The following DNAH8 variants were observed in gnomAD, a reference collection of about 807,000 sequenced individuals.
DNAH8 encodes the protein axonemal beta dynein heavy chain 8.
In DNAH8, 382 loss-of-function variants were observed where a neutral mutation model predicts 562.1. The ratio of observed to expected loss-of-function variants is 0.68; its 90% CI spans 0.63 to 0.74. DNAH8 has a LOEUF of 0.74. Among genes scored for constraint, DNAH8 ranks in the 30% least tolerant of loss-of-function variants. The pLI is 0.00. For synonymous variants in DNAH8, 1,881 were observed against 1,919.4 expected (o/e 0.98, Z 0.52); for missense variants, 5,203 against 5,620.4 (o/e 0.93, Z 2.37).
At chr6:38,831,436 A>G (rs925158222) in intron 30 of DNAH8, among the ~76,000 whole-genome samples, 1 of 151,090 alleles carries the variant, frequency 6.6e-6, no homozygotes, top group Non-Finnish European at 1.5e-5. Flanking sequence ...ATCTCAAAAA[A>G]AAAAAAAAAA....
At chr6:39,003,747 A>G (rs1655137463) in intron 88 of DNAH8, among the ~76,000 whole-genome samples, 1 of 152,188 alleles carries the variant, frequency 6.6e-6, no homozygotes, top group African/African-American at 2.4e-5. Flanking sequence ...ACTAGGATTT[A>G]TTATTACAAA....
At chr6:38,728,683 C>T (rs755996491) in intron 3 of DNAH8, among the ~76,000 whole-genome samples, 7 of 152,164 alleles carry the variant, frequency 4.6e-5, no homozygotes, top group Admixed American at 3.3e-4. Flanking sequence ...GCTAGAGTTA[C>T]GCACATCTTG....
chr6:38,896,828 C>T (rs1779728578), intron 60 of DNAH8, among the ~76,000 whole-genome samples: 1 of 152,060 alleles, frequency 6.6e-6, no homozygotes, highest in African/African-American at 2.4e-5. Flanking sequence ...CTCTGTCACC[C>T]CAGGCTGGAG....
At chr6:38,743,110 C>G (rs1426919219) in intron 8 of DNAH8, among the ~76,000 whole-genome samples, 2 of 147,848 alleles carry the variant, frequency 1.4e-5, no homozygotes, top group Non-Finnish European at 3.0e-5. Flanking sequence ...CTCAACCTTC[C>G]AGGCTTAAGC....
chr6:38,745,722 A>T (rs901445136), intron 8 of DNAH8, among the ~76,000 whole-genome samples: 1 of 152,222 alleles, frequency 6.6e-6, no homozygotes, highest in African/African-American at 2.4e-5. Context: ...CCAATGGAAC[A>T]GTTCCTTAGT....
rs965925028 is a variant in DNAH8, at chr6:38,791,441, C to A, written c.2782-114C>A. ...ACCAAATTATGCTTGGCTCAAGATG[C>A]AAGTTTCTAGACTTAGCCTTCTAAA... On this transcript the variant is annotated intron_variant, in intron 20 of 92. Coordinates refer to ENST00000327475, the MANE Select transcript of DNAH8 (RefSeq NM_001206927.2). The A allele has an allele frequency of 4.7e-6, 6 of 1,265,140 alleles. No individual in the cohort carries two copies. The Admixed American group carries it at 1.2e-4, about 25-fold the overall frequency. The allele number at this position is 1,265,140 out of a possible 1,614,324, so 78.4% of individuals were successfully genotyped here. A position where few individuals can be genotyped will look rare whatever the true frequency, so the allele number is the denominator to read the frequency against.
At chr6:38,958,678 A>G (rs2054067386) in intron 82 of DNAH8, among the ~76,000 whole-genome samples, 2 of 150,644 alleles carry the variant, frequency 1.3e-5, no homozygotes, top group African/African-American at 4.9e-5. Context: ...AAGCCCAGGA[A>G]CTGATGGCTT....
Position 38,775,946 on chromosome 6 carries a change from T to G in DNAH8, c.1957T>G (p.Leu653Val), listed in dbSNP as rs1224082470. Reference sequence around the variant, plus strand: ...AGATTTCATGACAAAAATCAATGGTTTAGAGGTAAGTAATTATACCTACTT... The same window carrying G: ...AGATTTCATGACAAAAATCAATGGTGTAGAGGTAAGTAATTATACCTACTT... Reference protein sequence around the residue: ...FLDFMTKINGLEVQIQAFMNS... With the variant: ...FLDFMTKINGVEVQIQAFMNS... The change falls in exon 13 of 93, where the codon TTA (leucine) becomes GTA (valine). Residue 653 changes from leucine to valine, a missense_variant. Physicochemically the swap from Leu to Val is conservative, Grantham distance 32. Transcript: ENST00000327475. The G allele has an allele frequency of 6.2e-7, 1 of 1,604,254 alleles. No individual in the cohort carries two copies. The highest frequency in any genetic ancestry group is 8.5e-7 in the Non-Finnish European group (1 of 1,171,778).
chr6:38,993,181 A>T (rs528263073), intron 88 of DNAH8, among the ~76,000 whole-genome samples: 6 of 152,244 alleles, frequency 3.9e-5, no homozygotes, highest in Non-Finnish European at 8.8e-5. Context: ...TCCCACCGTA[A>T]AAACTCTGGT....
intron 4 of DNAH8, among the ~76,000 whole-genome samples, chr6:38,732,522 T>G (rs1763730453): frequency 6.6e-6 from 1 of 152,268 alleles, no homozygotes; most frequent in Non-Finnish European, 1.5e-5. Context: ...TAGGTCTGGC[T>G]TATATGAGTG....
At chr6:38,847,795 G>T (rs780178545) in intron 36 of DNAH8, among the ~76,000 whole-genome samples, 4 of 152,210 alleles carry the variant, frequency 2.6e-5, no homozygotes, top group Non-Finnish European at 4.4e-5. Context: ...AGGTAGTTGG[G>T]GTTTTTACCC....
chr6:38,774,410 T>G (rs991052910), intron 12 of DNAH8, among the ~76,000 whole-genome samples: 1 of 151,978 alleles, frequency 6.6e-6, no homozygotes, highest in Non-Finnish European at 1.5e-5. Flanking sequence ...ACTGAGAGAT[T>G]GAACATTGAT....
intron 65 of DNAH8, among the ~76,000 whole-genome samples, chr6:38,910,221 T>A (rs1780785408): frequency 6.6e-6 from 1 of 152,186 alleles, no homozygotes; most frequent in Non-Finnish European, 1.5e-5. Context: ...AAACAAAATA[T>A]CAATTGACTA....
chr6:38,733,648 C>T (rs1231474841), intron 4 of DNAH8, among the ~76,000 whole-genome samples: 1 of 152,202 alleles, frequency 6.6e-6, no homozygotes, highest in Non-Finnish European at 1.5e-5. Context: ...CGGTGGCTCA[C>T]GCCTGTAATC....
At chr6:38,942,673 G>A (rs1017348220) in intron 79 of DNAH8, among the ~76,000 whole-genome samples, 2 of 152,180 alleles carry the variant, frequency 1.3e-5, no homozygotes, top group Non-Finnish European at 2.9e-5. Context: ...AGGAGCTGGG[G>A]CAGTGGATTG....
chr6:38,995,059 C>CTT (rs149324423), intron 88 of DNAH8, among the ~76,000 whole-genome samples: 60 of 138,748 alleles, frequency 4.3e-4, no homozygotes, highest in Non-Finnish European at 5.9e-4. Context: ...CCTCATTGCT[C>CTT]TTTTTTTTTT....
Position 38,971,649 on chromosome 6 carries a change from A to T in DNAH8, c.12509A>T (p.Gln4170Leu). The T allele has an allele frequency of 6.2e-7, 1 of 1,601,718 alleles. No individual in the cohort carries two copies. The highest frequency in any genetic ancestry group is 8.5e-7 in the Non-Finnish European group (1 of 1,174,542). Residue 4170 changes from glutamine to leucine, a missense_variant, in exon 83 of 93, where the codon CAG becomes CTG. Gln to Leu is a moderately radical substitution (Grantham distance 113). Transcript: ENST00000327475. Reference protein sequence around the residue: ...GQEVHARKLIQMSMQQGGWVL... With the variant: ...GQEVHARKLILMSMQQGGWVL... ...GAAGTACATGCTCGAAAGCTGATTCAGATGTCAATGCAGCAGGTATGTGAC... is the reference window on the plus strand; with the variant it reads ...GAAGTACATGCTCGAAAGCTGATTCTGATGTCAATGCAGCAGGTATGTGAC...
chr6:38,862,040 G>A (rs898788790), intron 43 of DNAH8, among the ~76,000 whole-genome samples: 1 of 151,890 alleles, frequency 6.6e-6, no homozygotes, highest in African/African-American at 2.4e-5. Flanking sequence ...TGGGAGGAAG[G>A]CCTGAGGGTT....
chr6:38,772,552 G>A (rs1767674377), intron 12 of DNAH8, among the ~76,000 whole-genome samples: 1 of 152,040 alleles, frequency 6.6e-6, no homozygotes, highest in Non-Finnish European at 1.5e-5. Flanking sequence ...TGAGTTATTT[G>A]TCTTTTTATT....
Sources: gnomAD v4.1 joint callset for allele counts (sites outside exome capture counted in the v4.1 genomes callset) on GRCh38, gnomAD v4.1.1 for gene constraint, MANE v1.5 for transcripts, NCBI Gene and HGNC (gene_info 2026-07-23, HGNC 2026-07-21) for gene names.